The following BTBD3 variants were observed in gnomAD, a reference collection of about 807,000 sequenced individuals.
BTBD3 encodes the protein BTB domain containing 3.
Under a neutral mutation model 41.6 loss-of-function variants are expected in BTBD3, and 14 were observed. That is an observed-to-expected ratio of 0.34 (90% confidence interval 0.22 to 0.53). BTBD3 has a LOEUF of 0.53. BTBD3 is among the 20% of genes least tolerant of loss of function. The probability of loss-of-function intolerance (pLI) is 0.95; values close to 1 mark genes in which losing one functional copy is unlikely to be tolerated. For missense variants in BTBD3, 426 were observed against 654.7 expected (o/e 0.65, Z 3.81); for synonymous variants, 249 against 233.7 (o/e 1.07, Z -0.60).
intron 1 of BTBD3, 26 bp downstream of exon 1, chr20:11,918,627 T>A (rs749024964): frequency 2.0e-6 from 3 of 1,536,104 alleles, no homozygotes; most frequent in African/African-American, 1.4e-5. Flanking sequence ...GTCTATTTAC[T>A]TTAAAAGTTT....
chr20:11,923,785 T>C lies in BTBD3; in HGVS notation c.*119T>C, dbSNP rs1193231274. On this transcript the variant is annotated 3_prime_UTR_variant, in exon 4 of 4. Transcript: ENST00000378226. The surrounding 1 kb of genome is among the most constrained non-coding windows in gnomAD (Gnocchi z 5.3). ...CGGTAATTTGTAATGAATGAAGCGG[T>C]AGGCAGGTTCTAATTTCTTTTAACC... 1.0e-6 allele frequency: 1 copy of C among 1,002,894 alleles called. No individual in the cohort carries two copies. The highest frequency in any genetic ancestry group is 1.5e-6 in the Non-Finnish European group (1 of 688,516). The allele number at this position is 1,002,894 out of a possible 1,614,324, so 62.1% of individuals were successfully genotyped here.
Position 11,922,919 on chromosome 20 carries a change from T to C in BTBD3, c.822T>C (p.Arg274=). The C allele has an allele frequency of 6.2e-7, 1 of 1,614,230 alleles. No individual in the cohort carries two copies. The highest frequency in any genetic ancestry group is 8.5e-7 in the Non-Finnish European group (1 of 1,180,040). Residue 274 remains arginine (R), a synonymous_variant, in exon 4 of 4, where the codon CGT becomes CGC. Coordinates refer to ENST00000378226, the MANE Select transcript of BTBD3 (RefSeq NM_014962.4). ...IDFQTLESIL[R]RETLNAKEIV... ...TCCAGACACTAGAAAGTATTCTCCG[T>C]AGGGAAACTCTGAATGCCAAAGAAA...
chr20:11,903,727 G>A (rs1002135680), intron 1 of BTBD3, among the ~76,000 whole-genome samples: 10 of 151,854 alleles, frequency 6.6e-5, no homozygotes, highest in East Asian at 1.9e-4. Context: ...CTGCTTCAGC[G>A]TCCGGAGTAG....
At position 11,918,087 on chromosome 20, in the gene BTBD3, C is replaced by T; in HGVS notation, c.-189C>T. 2.8e-6 allele frequency: 4 copies of T among 1,417,944 alleles called. No homozygotes were observed. The highest frequency in any genetic ancestry group is 1.8e-5 in the South Asian group (1 of 56,630). The allele number at this position is 1,417,944 out of a possible 1,614,324, so 87.8% of individuals were successfully genotyped here. A position where few individuals can be genotyped will look rare whatever the true frequency, so the allele number is the denominator to read the frequency against. On this transcript the variant is annotated 5_prime_UTR_variant, in exon 1 of 4. Coordinates refer to ENST00000378226, the MANE Select transcript of BTBD3 (RefSeq NM_014962.4). ...ATGATGGGGATATATTTAACAGACCCAGTACTGGATAAAACTTAAAGCCAG... is the reference window on the plus strand; with the variant it reads ...ATGATGGGGATATATTTAACAGACCTAGTACTGGATAAAACTTAAAGCCAG...
At chr20:11,894,099 C>G (rs1183311317) in intron 1 of BTBD3, among the ~76,000 whole-genome samples, 1 of 152,226 alleles carries the variant, frequency 6.6e-6, no homozygotes, top group Non-Finnish European at 1.5e-5. Flanking sequence ...TTAATTACCT[C>G]TTTAATCGCA....
In BTBD3 at chr20:11,900,503, G is replaced by GT. The variant is rs958457818; in HGVS notation, c.-126+9557dup. 3.4e-4 allele frequency among the ~76,000 whole-genome samples: 52 copies of GT among 151,648 alleles called. 1 individual carries two copies. The South Asian group carries it at 5.0e-3, about 15-fold the overall frequency. ...GCCACCTAATTTCTTCTACTAATCT[G>GT]TTTTTTTTGAAAGTGGCGGTCTTGC... On this transcript the variant is annotated intron_variant, in intron 1 of 4. Transcript: ENST00000254977.
chr20:11,892,968 T>C (rs148380196), intron 1 of BTBD3, among the ~76,000 whole-genome samples: 11 of 152,338 alleles, frequency 7.2e-5, no homozygotes, highest in Non-Finnish European at 1.5e-4. Flanking sequence ...TGTAATGTTA[T>C]ACTTTAACAA....
Position 11,918,392 on chromosome 20 carries a change from T to A in BTBD3, c.117T>A (p.Ser39Arg). The part of the protein sequence containing the change: ...SSKKANTSSS[S>R]SNSSKLPPVC... ...AGAAAGCAAATACCAGCAGCAGCAG[T>A]AGCAACAGCAGCAAGTTGCCACCAG... Residue 39 changes from serine (S) to arginine (R), a missense_variant, in exon 1 of 4, where the codon AGT becomes AGA. By Grantham distance (110) the Ser-to-Arg change is moderately radical. Coordinates refer to ENST00000378226, the MANE Select transcript of BTBD3 (RefSeq NM_014962.4). The A allele has an allele frequency of 1.2e-6, 2 of 1,614,132 alleles. No homozygotes were observed. The highest frequency in any genetic ancestry group is 1.7e-6 in the Non-Finnish European group (2 of 1,180,004).
At chr20:11,902,838 A>G (rs2056831874) in intron 1 of BTBD3, among the ~76,000 whole-genome samples, 4 of 152,164 alleles carry the variant, frequency 2.6e-5, no homozygotes, top group Admixed American at 6.5e-5. Flanking sequence ...TGTATGTTTT[A>G]TGGTAGTAAA....
In BTBD3 at chr20:11,923,276, C is replaced by T; in HGVS notation, c.1179C>T (p.Arg393=). ...YRSNQWRYRG[R]CDSIQFAVDK... is the part of the protein sequence containing the mutation. ...GCAACCAATGGCGCTATCGTGGTCG[C>T]TGTGACAGCATCCAGTTTGCAGTTG... The change falls in exon 4 of 4, where the codon CGC becomes CGT. Residue 393 remains arginine, a synonymous_variant. Coordinates refer to ENST00000378226, the MANE Select transcript of BTBD3 (RefSeq NM_014962.4). This position sits in a 1 kb window ranked among gnomAD's most constrained non-coding sequence, Gnocchi z 5.3. The T allele has an allele frequency of 6.2e-7, 1 of 1,614,218 alleles. No individual in the cohort carries two copies. Among genetic ancestry groups the T allele is most frequent in the East Asian group, 2.2e-5 (1 of 44,876 alleles).
Position 11,893,487 on chromosome 20 carries a change from T to C in BTBD3, c.-126+2533T>C, listed in dbSNP as rs561417723. On this transcript the variant is annotated intron_variant, in intron 1 of 4. Transcript: ENST00000254977. ...GGCTGCTAAAATAATAATCTTTCAC[T>C]TAATCTTCCCTTCTTTCATCACACA... 9.8e-5 allele frequency among the ~76,000 whole-genome samples: 15 copies of C among 152,358 alleles called. No individual in the cohort carries two copies. In the East Asian group the frequency reaches 2.9e-3, roughly 29 times the overall value.
At chr20:11,893,818 TTGTC>T (rs1166677304) in intron 1 of BTBD3, among the ~76,000 whole-genome samples, 1 of 152,268 alleles carries the variant, frequency 6.6e-6, no homozygotes, top group Non-Finnish European at 1.5e-5. Flanking sequence ...TTTACTCTGT[TTGTC>T]TGCATAGACA....
intron 1 of BTBD3, among the ~76,000 whole-genome samples, chr20:11,907,845 C>T (rs2056865435): frequency 6.6e-6 from 1 of 152,112 alleles, no homozygotes; most frequent in African/African-American, 2.4e-5. Context: ...GGAATTGAGC[C>T]AGGTCATGGA....
Position 11,923,501 on chromosome 20 carries a change from A to T in BTBD3, c.1404A>T (p.Thr468=). The T allele has an allele frequency of 1.2e-6, 2 of 1,614,212 alleles. No individual in the cohort carries two copies. The highest frequency in any genetic ancestry group is 8.5e-7 in the Non-Finnish European group (1 of 1,180,034). ...AGATCGAGCCAGACACCTTCTACAC[A>T]GCCAGTGTGATACTGGATGGCAATG... ...PVQIEPDTFY[T]ASVILDGNEL... The change falls in exon 4 of 4, where the codon ACA becomes ACT. Residue 468 remains threonine (T), a synonymous_variant. Coordinates refer to ENST00000378226, the MANE Select transcript of BTBD3 (RefSeq NM_014962.4). The surrounding 1 kb of genome is among the most constrained non-coding windows in gnomAD (Gnocchi z 5.3).
At chr20:11,901,368 TC>T (rs1273423125) in intron 1 of BTBD3, among the ~76,000 whole-genome samples, 1 of 152,112 alleles carries the variant, frequency 6.6e-6, no homozygotes, top group Non-Finnish European at 1.5e-5. Flanking sequence ...AAGCTGAAGA[TC>T]ATCTGTTGGA....
intron 1 of BTBD3, among the ~76,000 whole-genome samples, chr20:11,892,293 CT>C (rs5840469): frequency 0.17 from 26,534 of 152,156 alleles, 2,506 homozygotes; most frequent in South Asian, 0.26. Flanking sequence ...CAGCCAAGGG[CT>C]TTCCCCTTCT....
At chr20:11,921,022 C>T (rs2056965986) in intron 3 of BTBD3, among the ~76,000 whole-genome samples, 1 of 152,214 alleles carries the variant, frequency 6.6e-6, no homozygotes, top group Non-Finnish European at 1.5e-5. Flanking sequence ...TAATCTGCTA[C>T]TTTTAACCTT....
chr20:11,913,303 C>G (rs2056900247), upstream of BTBD3: 1 of 152,170 alleles, frequency 6.6e-6, no homozygotes, highest in African/African-American at 2.4e-5. Flanking sequence ...TGGTTTCTAA[C>G]TTTATTTTAC....
intron 1 of BTBD3, among the ~76,000 whole-genome samples, chr20:11,892,330 C>T (rs921050803): frequency 6.6e-6 from 1 of 152,208 alleles, no homozygotes; most frequent in African/African-American, 2.4e-5. Context: ...GTCCCCTACT[C>T]AACCCTCTGC....
Sources: gnomAD v4.1 joint callset for allele counts (sites outside exome capture counted in the v4.1 genomes callset) on GRCh38, gnomAD v4.1.1 for gene constraint, Gnocchi (gnomAD v3.1) non-coding constraint, MANE v1.5 for transcripts, NCBI Gene and HGNC (gene_info 2026-07-23, HGNC 2026-07-21) for gene names.